UBAP2: variants seen among roughly 807,000 people sequenced by gnomAD.
UBAP2 encodes the protein ubiquitin associated protein 2, also known as ubiquitin-associated protein 2.
Under a neutral mutation model 139.6 loss-of-function variants are expected in UBAP2, and 75 were observed. That is an observed-to-expected ratio of 0.54 (90% CI 0.45 to 0.65). The LOEUF (loss-of-function observed/expected upper bound fraction) is 0.65, where lower values mean the gene tolerates loss of function less well. Among genes scored for constraint, UBAP2 ranks in the 30% least tolerant of loss-of-function variants. The probability of loss-of-function intolerance (pLI) is 0.00; values close to 1 mark genes in which losing one functional copy is unlikely to be tolerated. For missense variants in UBAP2, 1,368 were observed against 1,369.6 expected (o/e 1.00, Z 0.02); for synonymous variants, 526 against 526.2 (o/e 1.00, Z 0.01).
chr9:33,976,384 A>T (rs1281941709), intron 6 of UBAP2, among the ~76,000 whole-genome samples: 1 of 152,254 alleles, frequency 6.6e-6, no homozygotes, highest in Non-Finnish European at 1.5e-5. Flanking sequence ...CTTCAGGGTA[A>T]AGGCGATGGG....
At chr9:33,956,995 C>A (rs889039423) in intron 10 of UBAP2, among the ~76,000 whole-genome samples, 1 of 151,154 alleles carries the variant, frequency 6.6e-6, no homozygotes, top group Non-Finnish European at 1.5e-5. Context: ...GAGGCTGAGG[C>A]AGGAGAATCG....
chr9:33,922,565 A>G lies in UBAP2; in HGVS notation c.3299T>C (p.Leu1100Pro). 3 of 1,613,780 alleles carry G rather than the reference A, an allele frequency of 1.9e-6. No individual in the cohort carries two copies. Among genetic ancestry groups the G allele is most frequent in the Non-Finnish European group, 1.7e-6 (2 of 1,179,936 alleles). Residue 1100 changes from leucine to proline, a missense_variant, in exon 29 of 29, where the codon CTG becomes CCG. By Grantham distance (98) the Leu-to-Pro change is moderately conservative (BLOSUM62 -3). Coordinates refer to ENST00000379238, the MANE Select transcript of UBAP2 (RefSeq NM_001370062.2). ...GSGQRSQPSS[L>P]QPKSQASKPA... Reference sequence around the variant, plus strand: ...TTTGGAGGCTTGAGACTTGGGCTGCAGGGAGCTGGGCTGGCTGCGCTGACC... The same window carrying G: ...TTTGGAGGCTTGAGACTTGGGCTGCGGGGAGCTGGGCTGGCTGCGCTGACC...
At chr9:33,968,730 T>C (rs1036862516) in intron 8 of UBAP2, among the ~76,000 whole-genome samples, 8 of 152,206 alleles carry the variant, frequency 5.3e-5, no homozygotes, top group African/African-American at 1.7e-4. Flanking sequence ...CAACAGACAG[T>C]TGAATAATTT....
intron 2 of UBAP2, among the ~76,000 whole-genome samples, chr9:34,004,714 G>A (rs1823031181): frequency 6.6e-6 from 1 of 151,934 alleles, no homozygotes; most frequent in South Asian, 2.1e-4. Context: ...AACCTGGCAG[G>A]CGGAGCTTGC....
chr9:33,961,420 C>G (rs932289299), intron 9 of UBAP2, among the ~76,000 whole-genome samples: 1 of 152,176 alleles, frequency 6.6e-6, no homozygotes, highest in Non-Finnish European at 1.5e-5. Flanking sequence ...ATTACTCTTG[C>G]TCATATCAAG....
At chr9:33,956,448 A>G (rs947689024) in intron 10 of UBAP2, among the ~76,000 whole-genome samples, 1 of 151,754 alleles carries the variant, frequency 6.6e-6, no homozygotes, top group Non-Finnish European at 1.5e-5. Flanking sequence ...CCTCCTGAGT[A>G]GCTGGGCCTC....
chr9:33,936,060 T>A (rs894807335), intron 16 of UBAP2, among the ~76,000 whole-genome samples, 182 bp from the exon 17 acceptor site: 54 of 152,124 alleles, frequency 3.5e-4, no homozygotes, highest in East Asian at 5.8e-4. Context: ...TTCAAAAAAA[T>A]TTTTTTTCAC....
chr9:33,951,407 C>A, intron 12 of UBAP2, among the ~76,000 whole-genome samples: 1 of 131,472 alleles, frequency 7.6e-6, no homozygotes, highest in East Asian at 2.5e-4. Flanking sequence ...AGTGCAATGG[C>A]ATGATCACGG....
Position 33,988,979 on chromosome 9 carries a change from T to C in UBAP2, c.436A>G (p.Arg146Gly). 6.2e-7 allele frequency: 1 copy of C among 1,612,144 alleles called. No individual in the cohort carries two copies. The highest frequency in any genetic ancestry group is 1.1e-5 in the South Asian group (1 of 90,654). ...GGAGAAAGTCTGTACTTACATTCTCTGCCACGATTGCCGCCTCTTCCTTTC... is the reference window on the plus strand; with the variant it reads ...GGAGAAAGTCTGTACTTACATTCTCCGCCACGATTGCCGCCTCTTCCTTTC... ...NRKGRGGNRG[R>G]EFRGEENGID... is the part of the protein sequence containing the mutation. Residue 146 changes from arginine to glycine, a missense_variant, in exon 5 of 29, where the codon AGA becomes GGA. Coordinates refer to ENST00000379238, the MANE Select transcript of UBAP2 (RefSeq NM_001370062.2).
intron 12 of UBAP2, 54 bp downstream of exon 12, chr9:33,953,231 A>T: frequency 6.7e-7 from 1 of 1,487,404 alleles, no homozygotes; most frequent in South Asian, 1.2e-5. Context: ...TCTAGAATAC[A>T]TTTGCTAATG....
chr9:33,941,432 T>G (rs1825190851), intron 16 of UBAP2, among the ~76,000 whole-genome samples: 1 of 152,148 alleles, frequency 6.6e-6, no homozygotes, highest in Non-Finnish European at 1.5e-5. Flanking sequence ...CTTGGTTTTC[T>G]CCACAAAGTG....
chr9:34,044,120 G>A (rs1425013161), intron 1 of UBAP2, among the ~76,000 whole-genome samples: 14 of 149,274 alleles, frequency 9.4e-5, no homozygotes, highest in East Asian at 5.9e-4. Flanking sequence ...AAAATTAGCC[G>A]GGCGCGGTGA....
Position 33,935,702 on chromosome 9 carries a change from A to G in UBAP2, c.1969+137T>C. 4.9e-6 allele frequency: 5 copies of G among 1,029,522 alleles called. 1 individual carries two copies. The highest frequency in any genetic ancestry group is 7.6e-6 in the Non-Finnish European group (5 of 659,154). The allele number at this position is 1,029,522 out of a possible 1,614,324, so 63.8% of individuals were successfully genotyped here. ...AACACCACAGCCAACACCTGGTCCA[A>G]AAACAAAAAAGCAAAAGGGCTGCTT... is the stretch of plus-strand genomic sequence containing the variant. On this transcript the variant is annotated intron_variant, in intron 17 of 28. Coordinates refer to ENST00000379238, the MANE Select transcript of UBAP2 (RefSeq NM_001370062.2).
chr9:33,961,707 A>C (rs1178376964), intron 9 of UBAP2, among the ~76,000 whole-genome samples: 6 of 152,208 alleles, frequency 3.9e-5, no homozygotes, highest in African/African-American at 7.2e-5. Context: ...GAAAGGAGTT[A>C]ATCATCTGAC....
Position 34,047,801 on chromosome 9 carries a change from G to A in UBAP2, c.-42+1024C>T, listed in dbSNP as rs539704128. Among the ~76,000 whole-genome samples the A allele has an allele frequency of 5.3e-5, 8 of 152,280 alleles. No homozygotes were observed. In the South Asian group the frequency reaches 1.7e-3, roughly 32 times the overall value. ...TGGAGGCCAGCCTGGGCAACATATGGAGACCATATCTCTAAAATTAATAGT... is the reference window on the plus strand; with the variant it reads ...TGGAGGCCAGCCTGGGCAACATATGAAGACCATATCTCTAAAATTAATAGT... On this transcript the variant is annotated intron_variant, in intron 1 of 28. Coordinates refer to ENST00000379238, the MANE Select transcript of UBAP2 (RefSeq NM_001370062.2).
intron 1 of UBAP2, among the ~76,000 whole-genome samples, chr9:34,045,748 A>T (rs2131385994): frequency 6.6e-6 from 1 of 152,256 alleles, no homozygotes; most frequent in South Asian, 2.1e-4. Context: ...ATATCAGCAT[A>T]AGTGGTTTAC....
At chr9:33,962,645 A>AAAAT (rs57313855) in intron 9 of UBAP2, among the ~76,000 whole-genome samples, 25,596 of 139,054 alleles carry the variant, frequency 0.18, 2,690 homozygotes, top group South Asian at 0.32. Flanking sequence ...CTCTATCTCA[A>AAAAT]AAATAAATAA....
At chr9:33,953,062 GAGAC>G (rs747779670) in intron 12 of UBAP2, among the ~76,000 whole-genome samples, 1 of 152,098 alleles carries the variant, frequency 6.6e-6, no homozygotes, top group Non-Finnish European at 1.5e-5. Flanking sequence ...TTTTTTCGTA[GAGAC>G]AGAGTTTTGC....
In UBAP2 at chr9:34,046,300, T is replaced by A. The variant is rs1220407368; in HGVS notation, c.-42+2525A>T. Among the ~76,000 whole-genome samples, 247 of 137,422 alleles carry A rather than the reference T, an allele frequency of 1.8e-3. 1 individual carries two copies. Among genetic ancestry groups the A allele is most frequent in the African/African-American group, 6.4e-3 (239 of 37,184 alleles). 90.2% of individuals were successfully genotyped at this position (137,422 alleles called of 152,430 possible). A position where few individuals can be genotyped will look rare whatever the true frequency, so the allele number is the denominator to read the frequency against. ...GAAATCTTAACAATAAATCATCATT[T>A]AAAAAAAAAAAAAAGAGGACTGGGA... On this transcript the variant is annotated intron_variant, in intron 1 of 28. Transcript: ENST00000379238.
Sources: gnomAD v4.1 joint callset for allele counts (sites outside exome capture counted in the v4.1 genomes callset) on GRCh38, gnomAD v4.1.1 for gene constraint, MANE v1.5 for transcripts, NCBI Gene and HGNC (gene_info 2026-07-23, HGNC 2026-07-21) for gene names.